The following SMAD2 variants were observed in gnomAD, a reference collection of about 807,000 sequenced individuals.
SMAD2 encodes the protein SMAD family member 2, also known as MAD homolog 2.
SMAD2 carries 8 observed loss-of-function variants against 64.4 expected under a neutral mutation model. That is an observed-to-expected ratio of 0.12 (90% CI 0.07 to 0.22). The LOEUF is 0.22. SMAD2 is among the 10% of genes least tolerant of loss of function. The pLI, the probability that SMAD2 is intolerant of heterozygous loss-of-function variation, is 1.00. For missense variants in SMAD2, 289 were observed against 561.2 expected (o/e 0.51, Z 4.90); for synonymous variants, 203 against 195.8 (o/e 1.04, Z -0.31).
rs927788002 is a variant in SMAD2 at position 47,833,610 on chromosome 18, A to G, written c.*8217T>C. 2.6e-5 allele frequency: 6 copies of G among 230,958 alleles called. No homozygotes were observed. Among genetic ancestry groups the G allele is most frequent in the Non-Finnish European group, 2.6e-5 (3 of 116,576 alleles). The allele number at this position is 230,958 out of a possible 1,614,324, so 14.3% of individuals were successfully genotyped here. A position where few individuals can be genotyped will look rare whatever the true frequency, so the allele number is the denominator to read the frequency against. On this transcript the variant is annotated 3_prime_UTR_variant, in exon 11 of 11. Coordinates refer to ENST00000262160, the MANE Select transcript of SMAD2 (RefSeq NM_005901.6). ...AAAAAAATCTCACCTCACGTGCTCAATGTTCTAGCTGGTAAGCACCTTATG... is the reference window on the plus strand; with the variant it reads ...AAAAAAATCTCACCTCACGTGCTCAGTGTTCTAGCTGGTAAGCACCTTATG...
At chr18:47,845,253 A>T (rs2144286471) in intron 10 of SMAD2, 87 bp downstream of exon 10, 1 of 1,304,784 alleles carries the variant, frequency 7.7e-7, no homozygotes, top group Non-Finnish European at 1.1e-6. Flanking sequence ...CATTGAAAAT[A>T]GATACAAATG....
intron 1 of SMAD2, among the ~76,000 whole-genome samples, chr18:47,906,246 G>A (rs886834356): frequency 2.0e-5 from 3 of 151,908 alleles, no homozygotes; most frequent in East Asian, 1.9e-4. Flanking sequence ...CCAAAAAAAC[G>A]GTCATTGTAC....
At chr18:47,844,628 C>T (rs1914313040) in intron 10 of SMAD2, among the ~76,000 whole-genome samples, 1 of 152,170 alleles carries the variant, frequency 6.6e-6, no homozygotes, top group African/African-American at 2.4e-5. Context: ...CCATCTCAAC[C>T]ACTTATAATG....
rs1913445635 is a variant in SMAD2, at chr18:47,836,695, A to G, written c.*5132T>C. 2 of 217,834 alleles carry G rather than the reference A, an allele frequency of 9.2e-6. No homozygotes were observed. Among genetic ancestry groups the G allele is most frequent in the Non-Finnish European group, 1.8e-5 (2 of 108,382 alleles). 13.5% of individuals were successfully genotyped at this position (217,834 alleles called of 1,614,324 possible). On this transcript the variant is annotated 3_prime_UTR_variant, in exon 11 of 11. Coordinates refer to ENST00000262160, the MANE Select transcript of SMAD2 (RefSeq NM_005901.6). ...GTTCTGCTATATATAGTTAGCTACA[A>G]TATTCAAGATAAAACAGTTCCTACT...
chr18:47,864,976 A>T (rs959398398), intron 6 of SMAD2, 83 bp downstream of exon 6: 1 of 819,942 alleles, frequency 1.2e-6, no homozygotes, highest in Non-Finnish European at 2.1e-6. Flanking sequence ...TCTAAATTTA[A>T]GAGTAACATC....
chr18:47,867,777 CA>C (rs1279336909), intron 5 of SMAD2, among the ~76,000 whole-genome samples: 1 of 152,050 alleles, frequency 6.6e-6, no homozygotes, highest in Non-Finnish European at 1.5e-5. Flanking sequence ...ATTCAATTTT[CA>C]TCAGAAATTA....
chr18:47,847,815 T>C (rs1914675949), intron 8 of SMAD2, among the ~76,000 whole-genome samples: 1 of 151,924 alleles, frequency 6.6e-6, no homozygotes, highest in Non-Finnish European at 1.5e-5. Context: ...ATCATATGCA[T>C]GTAGGCTCTG....
intron 7 of SMAD2, 152 bp downstream of exon 7, chr18:47,851,122 A>G (rs935354466): frequency 4.6e-5 from 25 of 547,608 alleles, no homozygotes; most frequent in African/African-American, 7.8e-5. Flanking sequence ...TATTCTTTTT[A>G]AAAAGCACTA....
chr18:47,928,369 T>C (rs2144561157), intron 1 of SMAD2, among the ~76,000 whole-genome samples: 1 of 152,334 alleles, frequency 6.6e-6, no homozygotes, highest in Admixed American at 6.5e-5. Context: ...ACCGAGTTTT[T>C]CCATTGACAT....
chr18:47,920,772 A>G (rs1350357105), intron 1 of SMAD2, among the ~76,000 whole-genome samples: 1 of 152,266 alleles, frequency 6.6e-6, no homozygotes, highest in Non-Finnish European at 1.5e-5. Context: ...CCTGCAAAGG[A>G]GCAAAATGCT....
At chr18:47,886,094 A>G (rs1332667025) in intron 2 of SMAD2, among the ~76,000 whole-genome samples, 1 of 152,222 alleles carries the variant, frequency 6.6e-6, no homozygotes, top group African/African-American at 2.4e-5. Flanking sequence ...ATACCAAGGG[A>G]TGACTTTACA....
chr18:47,866,372 C>T lies in SMAD2; in HGVS notation c.656-1239G>A, dbSNP rs564945562. 2.7e-5 allele frequency among the ~76,000 whole-genome samples: 4 copies of T among 149,488 alleles called. No homozygotes were observed. In the South Asian group the frequency reaches 8.5e-4, roughly 32 times the overall value. ...AGAGAAGATACAGGTTAAGGGTCTC[C>T]TTCAATAACCTTTTACAATATCTAT... On this transcript the variant is annotated intron_variant, in intron 5 of 10. Coordinates refer to ENST00000262160, the MANE Select transcript of SMAD2 (RefSeq NM_005901.6).
chr18:47,896,968 T>C (rs1478106440), intron 1 of SMAD2, among the ~76,000 whole-genome samples, 159 bp from the exon 2 acceptor site: 1 of 152,202 alleles, frequency 6.6e-6, no homozygotes, highest in Non-Finnish European at 1.5e-5. Context: ...TTTATGAATT[T>C]AAATGAATGA....
In SMAD2 at chr18:47,851,277, A is replaced by C. The variant is rs753437227; in HGVS notation, c.781T>G (p.Leu261Val). ...PTTLSPVNHS[L>V]DLQPVTYSEP... The stretch of plus-strand genomic sequence containing the variant: ...GGGGAACATATGTGCAACTTACCCA[A>C]GCTATGATTAACAGGGGAAAGAGTA... Residue 261 changes from leucine (L) to valine (V), a missense_variant, in exon 7 of 11, where the codon TTG becomes GTG. Transcript: ENST00000262160. 3.7e-6 allele frequency: 6 copies of C among 1,604,486 alleles called. No homozygotes were observed. The South Asian group carries it at 6.6e-5, about 18-fold the overall frequency.
At chr18:47,927,249 T>G (rs2034802882) in intron 1 of SMAD2, among the ~76,000 whole-genome samples, 1 of 152,180 alleles carries the variant, frequency 6.6e-6, no homozygotes, top group Non-Finnish European at 1.5e-5. Flanking sequence ...GTATCTTCAG[T>G]TTGTATAGAC....
intron 1 of SMAD2, among the ~76,000 whole-genome samples, chr18:47,907,100 A>G (rs1424609121): frequency 1.3e-5 from 2 of 152,226 alleles, no homozygotes; most frequent in African/African-American, 4.8e-5. Context: ...TGCTGAAATG[A>G]AAGTATAAAA....
intron 1 of SMAD2, among the ~76,000 whole-genome samples, chr18:47,911,349 T>TG (rs1387764410): frequency 1.4e-5 from 2 of 141,118 alleles, no homozygotes; most frequent in Non-Finnish European, 3.1e-5. Context: ...AGACTCCATC[T>TG]GGAAAAAAAA....
intron 1 of SMAD2, among the ~76,000 whole-genome samples, chr18:47,910,914 T>C (rs776131562): frequency 3.9e-5 from 6 of 152,216 alleles, no homozygotes; most frequent in African/African-American, 7.2e-5. Context: ...AACCACCCCA[T>C]TGTTCAAGGG....
intron 7 of SMAD2, among the ~76,000 whole-genome samples, chr18:47,850,889 C>T (rs562519155): frequency 4.4e-4 from 31 of 69,760 alleles, no homozygotes; most frequent in Non-Finnish European, 7.7e-4. Context: ...TATATAAATC[C>T]CCATACTACG....
Sources: allele counts gnomAD v4.1 joint callset (sites outside exome capture counted in the v4.1 genomes callset), GRCh38; gene constraint gnomAD v4.1.1; transcripts MANE v1.5; gene names NCBI Gene and HGNC (gene_info 2026-07-23, HGNC 2026-07-21).